Variants in PROSER1 observed in about 807,000 individuals in gnomAD.
PROSER1 encodes the protein proline and serine-rich protein 1.
PROSER1 carries 36 observed loss-of-function variants against 71.8 expected under a neutral mutation model. The ratio of observed to expected loss-of-function variants is 0.50; its 90% CI spans 0.38 to 0.66. The LOEUF (loss-of-function observed/expected upper bound fraction) is 0.66. PROSER1 is among the 30% of genes least tolerant of loss of function. The pLI, the probability that PROSER1 is intolerant of heterozygous loss-of-function variation, is 0.00. For synonymous variants in PROSER1, 490 were observed against 452.4 expected, an observed-to-expected ratio of 1.08 and a Z score of -1.06; for missense variants, 1,107 against 1,135.0, an observed-to-expected ratio of 0.98 and a Z score of 0.35.
chr13:39,031,347 T>C (rs1870833657), intron 3 of PROSER1, among the ~76,000 whole-genome samples: 1 of 152,248 alleles, frequency 6.6e-6, no homozygotes, highest in Non-Finnish European at 1.5e-5. Context: ...TGAAGTTTTC[T>C]TCTAACTTGC....
intron 5 of PROSER1, among the ~76,000 whole-genome samples, chr13:39,026,965 A>T (rs1870574922): frequency 6.6e-6 from 1 of 152,202 alleles, no homozygotes; most frequent in African/African-American, 2.4e-5. Flanking sequence ...CTCAGCTTCT[A>T]AATGATGCCG....
intron 4 of PROSER1, 173 bp downstream of exon 4, chr13:39,029,108 T>TCATATATGTAATAAGTACACTAGA: frequency 2.3e-6 from 1 of 438,968 alleles, no homozygotes; most frequent in Non-Finnish European, 4.0e-6. Flanking sequence ...TAAGTTATAG[T>TCATATATGTAATAAGTACACTAGA]CATATATGTA....
intron 10 of PROSER1, among the ~76,000 whole-genome samples, chr13:39,016,041 G>C (rs971278119): frequency 6.6e-6 from 1 of 152,066 alleles, no homozygotes; most frequent in Non-Finnish European, 1.5e-5. Context: ...AAATCTGAAG[G>C]TAAAACCAAG....
intron 5 of PROSER1, among the ~76,000 whole-genome samples, chr13:39,026,857 G>A (rs996622570): frequency 2.3e-4 from 35 of 152,052 alleles, no homozygotes; most frequent in African/African-American, 7.5e-4. Flanking sequence ...CCTACATACC[G>A]TTCAAAAACC....
At chr13:39,036,537 G>C (rs1168720312) in intron 1 of PROSER1, among the ~76,000 whole-genome samples, 1 of 152,140 alleles carries the variant, frequency 6.6e-6, no homozygotes, top group Non-Finnish European at 1.5e-5. Context: ...TTTTGTGCTT[G>C]AGATATTGTT....
intron 6 of PROSER1, 57 bp downstream of exon 6, chr13:39,026,220 C>G (rs1870537945): frequency 9.1e-7 from 1 of 1,098,600 alleles, no homozygotes; most frequent in Middle Eastern, 2.9e-4. Flanking sequence ...TTAACTTATT[C>G]TACACTTCAT....
intron 9 of PROSER1, among the ~76,000 whole-genome samples, chr13:39,020,657 T>C (rs971014493): frequency 6.6e-6 from 1 of 152,184 alleles, no homozygotes; most frequent in African/African-American, 2.4e-5. Context: ...TAAGCTAAAT[T>C]AGTCTACCAG....
rs191967601 is a variant in PROSER1, at chr13:39,037,456, G to A, written c.-214C>T. The A allele has an allele frequency of 5.4e-6, 3 of 552,504 alleles. No homozygotes were observed. In the East Asian group the frequency reaches 9.0e-5, roughly 17 times the overall value. The allele number at this position is 552,504 out of a possible 1,614,324, so 34.2% of individuals were successfully genotyped here. A position where few individuals can be genotyped will look rare whatever the true frequency, so the allele number is the denominator to read the frequency against. On this transcript the variant is annotated 5_prime_UTR_variant, in exon 1 of 13. Transcript: ENST00000352251. Reference sequence around the variant, plus strand: ...TCAGAAAAACTCTTTTTATTAAAAAGAAAAAACACTCCAGTCAGGCTTCCC... The same window carrying A: ...TCAGAAAAACTCTTTTTATTAAAAAAAAAAAACACTCCAGTCAGGCTTCCC...
At chr13:39,029,245 A>G in intron 4 of PROSER1, 36 bp downstream of exon 4, 1 of 1,090,674 alleles carries the variant, frequency 9.2e-7, no homozygotes. Context: ...TTTTTTCCCA[A>G]GTAAAAAAAA....
Position 39,014,031 on chromosome 13 carries a change from G to A in PROSER1, c.1221C>T (p.Pro407=). ...ASTSAPFTSL[P]FSTSSSAAST... Reference sequence around the variant, plus strand: ...AAGCAGCAGAAGAGCTGGTGGAAAAGGGGAGGCTAGTGAAAGGTGCAGAAG... The same window carrying A: ...AAGCAGCAGAAGAGCTGGTGGAAAAAGGGAGGCTAGTGAAAGGTGCAGAAG... The change falls in exon 11 of 13, where the codon CCC becomes CCT. Residue 407 remains proline, a synonymous_variant. Transcript: ENST00000352251. 6.2e-7 allele frequency: 1 copy of A among 1,614,144 alleles called. No homozygotes were observed. The highest frequency in any genetic ancestry group is 8.5e-7 in the Non-Finnish European group (1 of 1,180,018).
At chr13:39,018,347 G>A (rs1186898046) in intron 9 of PROSER1, among the ~76,000 whole-genome samples, 1 of 152,036 alleles carries the variant, frequency 6.6e-6, no homozygotes, top group African/African-American at 2.4e-5. Context: ...AAACCTCCAC[G>A]CCCTGGTATA....
At chr13:39,023,304 T>G in intron 7 of PROSER1, 174 bp from the exon 8 acceptor site, 1 of 541,454 alleles carries the variant, frequency 1.8e-6, no homozygotes, top group Non-Finnish European at 3.3e-6. Flanking sequence ...TAAATGTGGT[T>G]GCTATTAAAT....
chr13:39,011,228 T>C lies in PROSER1; in HGVS notation c.*137A>G, dbSNP rs1869634208. ...TTAAAATGCAACCACAATTTTCAAA[T>C]TGTTGTCACAATTTCTCCAGGATTA... On this transcript the variant is annotated 3_prime_UTR_variant, in exon 13 of 13. Transcript: ENST00000352251. The C allele has an allele frequency of 1.2e-6, 1 of 844,042 alleles. No individual in the cohort carries two copies. The highest frequency in any genetic ancestry group is 1.7e-5 in the African/African-American group (1 of 58,758). 52.3% of individuals were successfully genotyped at this position (844,042 alleles called of 1,614,324 possible).
intron 9 of PROSER1, among the ~76,000 whole-genome samples, chr13:39,018,206 A>G (rs1329338555): frequency 3.9e-5 from 6 of 152,100 alleles, no homozygotes; most frequent in Admixed American, 1.3e-4. Flanking sequence ...CCCAAAGCAC[A>G]CTCCTCAAGG....
chr13:39,015,173 A>G (rs907113965), intron 10 of PROSER1, among the ~76,000 whole-genome samples: 1 of 152,198 alleles, frequency 6.6e-6, no homozygotes, highest in African/African-American at 2.4e-5. Context: ...TGGGCTGGAT[A>G]TATCATAATT....
Position 39,013,026 on chromosome 13 carries a change from G to C in PROSER1, c.2226C>G (p.Ser742Arg). The C allele has an allele frequency of 6.2e-7, 1 of 1,614,152 alleles. No homozygotes were observed. Among genetic ancestry groups the C allele is most frequent in the Non-Finnish European group, 8.5e-7 (1 of 1,180,002 alleles). ...GCCCTGAGAGAACAGCTGCCGTTGA[G>C]CTAGGATGAGGGAGAGATGTGGAGG... Reference protein sequence around the residue: ...AATSTSLPHPSSTAAVLSGLS... With the variant: ...AATSTSLPHPRSTAAVLSGLS... The change falls in exon 11 of 13, where the codon AGC (serine) becomes AGG (arginine). Residue 742 changes from serine (S) to arginine (R), a missense_variant. Physicochemically the swap from Ser to Arg is moderately radical, Grantham distance 110. Coordinates refer to ENST00000352251, the MANE Select transcript of PROSER1 (RefSeq NM_025138.5).
rs149052819 is a variant in PROSER1, at chr13:39,020,387, T to G, written c.730+1939A>C. 5.2e-3 allele frequency among the ~76,000 whole-genome samples: 793 copies of G among 152,108 alleles called. 6 individuals are homozygous for G. The Middle Eastern group carries it at 0.058, about 11-fold the overall frequency. On this transcript the variant is annotated intron_variant, in intron 9 of 12. Coordinates refer to ENST00000352251, the MANE Select transcript of PROSER1 (RefSeq NM_025138.5). ...CTCTGTACACACACACACACACCCC[T>G]GTTGTTTTAAGTTGCAGAAAATGAT...
chr13:39,030,748 A>T (rs1870799288), intron 3 of PROSER1, among the ~76,000 whole-genome samples: 2 of 152,066 alleles, frequency 1.3e-5, no homozygotes, highest in African/African-American at 4.8e-5. Context: ...TTTCTTACAG[A>T]GCCTCTCTCT....
chr13:39,012,032 AAGTT>A (rs771769937), intron 12 of PROSER1, 47 bp downstream of exon 12: 6 of 1,565,160 alleles, frequency 3.8e-6, no homozygotes, highest in South Asian at 3.4e-5. Context: ...ATCACTACAG[AAGTT>A]AGTTATACAT....
Sources: allele counts gnomAD v4.1 joint callset (sites outside exome capture counted in the v4.1 genomes callset), GRCh38; gene constraint gnomAD v4.1.1; transcripts MANE v1.5; gene names NCBI Gene and HGNC (gene_info 2026-07-23, HGNC 2026-07-21).